The following MDGA2 variants were observed in gnomAD, a reference collection of about 807,000 sequenced individuals.
MDGA2 encodes the protein MAM domain-containing glycosylphosphatidylinositol anchor protein 2.
In MDGA2, 40 loss-of-function variants were observed where a neutral mutation model predicts 117.8. The observed-to-expected ratio is 0.34, with a 90% CI of 0.26 to 0.44. The LOEUF (loss-of-function observed/expected upper bound fraction) is 0.44, where lower values mean the gene tolerates loss of function less well. MDGA2 is among the 20% of genes least tolerant of loss of function. The pLI is 1.00. For missense variants in MDGA2, 1,123 were observed against 1,250.6 expected (o/e 0.90, Z 1.54); for synonymous variants, 452 against 439.0 (o/e 1.03, Z -0.37).
chr14:47,345,876 C>T (rs1890751955), intron 1 of MDGA2, among the ~76,000 whole-genome samples: 1 of 151,594 alleles, frequency 6.6e-6, no homozygotes, highest in African/African-American at 2.4e-5. Flanking sequence ...AGTTTTTTAG[C>T]TAAAAAAGTT....
chr14:47,324,836 C>CAGAGAGAGAG (rs918649667), intron 1 of MDGA2, among the ~76,000 whole-genome samples: 1 of 149,298 alleles, frequency 6.7e-6, no homozygotes, highest in Non-Finnish European at 1.5e-5. Context: ...ATTGTATACA[C>CAGAGAGAGAG]AGAGAGAGAG....
At chr14:47,602,141 G>A (rs959493867) in intron 1 of MDGA2, among the ~76,000 whole-genome samples, 3 of 152,114 alleles carry the variant, frequency 2.0e-5, no homozygotes, top group Non-Finnish European at 4.4e-5. Context: ...TTTTTTTAAA[G>A]TAAGTGACAC....
At chr14:47,360,764 C>A (rs555960700) in intron 1 of MDGA2, among the ~76,000 whole-genome samples, 1 of 152,118 alleles carries the variant, frequency 6.6e-6, no homozygotes, top group Non-Finnish European at 1.5e-5. Context: ...GTAGAGATAT[C>A]TGTGCTGCCA....
intron 9 of MDGA2, among the ~76,000 whole-genome samples, chr14:46,927,312 T>G (rs111928135): frequency 3.2e-4 from 49 of 152,292 alleles, no homozygotes; most frequent in African/African-American, 1.2e-3. Flanking sequence ...AAGTAAGTAA[T>G]ACAGGAATTA....
chr14:47,266,345 T>C (rs902910235), intron 2 of MDGA2, among the ~76,000 whole-genome samples: 2 of 152,144 alleles, frequency 1.3e-5, no homozygotes, highest in African/African-American at 4.8e-5. Context: ...CTAAATCCCA[T>C]AGGCTATACT....
At chr14:47,571,390 A>C (rs578096924) in intron 1 of MDGA2, among the ~76,000 whole-genome samples, 1 of 152,334 alleles carries the variant, frequency 6.6e-6, no homozygotes, top group African/African-American at 2.4e-5. Flanking sequence ...TTGACACAGC[A>C]ATCCCATTAC....
chr14:46,845,174 C>T (rs1343101039), intron 16 of MDGA2, among the ~76,000 whole-genome samples: 1 of 152,126 alleles, frequency 6.6e-6, no homozygotes, highest in African/African-American at 2.4e-5. Context: ...TGAGCCACCG[C>T]GCCCGGCCGA....
intron 3 of MDGA2, among the ~76,000 whole-genome samples, chr14:47,217,785 C>G (rs1169169040): frequency 1.3e-5 from 2 of 151,932 alleles, no homozygotes; most frequent in Non-Finnish European, 2.9e-5. Flanking sequence ...TTACTGTCTT[C>G]TTGTTAATAT....
intron 6 of MDGA2, among the ~76,000 whole-genome samples, chr14:47,080,351 C>T (rs1294942964): frequency 3.9e-5 from 6 of 152,174 alleles, no homozygotes; most frequent in African/African-American, 1.2e-4. Flanking sequence ...TCCATGGAGA[C>T]TTTGGAAAGG....
At position 47,665,456 on chromosome 14, in the gene MDGA2, G is replaced by A. The variant is rs142577581; in HGVS notation, c.280+9061C>T. ...CGCTTGAGGAGCCCTTCAGTCCGCC[G>A]CTGCACCGTGGGAGCCCTTCTCCGG... On this transcript the variant is annotated intron_variant, in intron 1 of 16. Transcript: ENST00000399232. Among the ~76,000 whole-genome samples the A allele has an allele frequency of 6.9e-3, 1,057 of 152,266 alleles. 7 individuals are homozygous for A. Among genetic ancestry groups the A allele is most frequent in the Middle Eastern group, 0.034 (10 of 294 alleles).
chr14:47,342,272 ATATATATAT>A (rs747877435), intron 1 of MDGA2, among the ~76,000 whole-genome samples: 10 of 142,500 alleles, frequency 7.0e-5, no homozygotes, highest in Non-Finnish European at 1.5e-4. Flanking sequence ...ATATATATAT[ATATATATAT>A]AAAATATGTT....
chr14:47,495,592 G>C (rs911738193), intron 1 of MDGA2, among the ~76,000 whole-genome samples: 1 of 152,078 alleles, frequency 6.6e-6, no homozygotes, highest in African/African-American at 2.4e-5. Flanking sequence ...TCATGGTTTT[G>C]AGCAGTTTTA....
At chr14:47,321,097 A>G (rs915415817) in intron 1 of MDGA2, among the ~76,000 whole-genome samples, 2 of 152,204 alleles carry the variant, frequency 1.3e-5, no homozygotes, top group African/African-American at 4.8e-5. Flanking sequence ...TTGAAGGTGA[A>G]TGAAGGCAGA....
chr14:47,152,756 C>T (rs1883210258), intron 3 of MDGA2, among the ~76,000 whole-genome samples: 1 of 151,706 alleles, frequency 6.6e-6, no homozygotes, highest in Non-Finnish European at 1.5e-5. Context: ...AAGCCAAATA[C>T]AGACAACTAT....
At chr14:47,316,881 GA>G (rs1389179277) in intron 1 of MDGA2, among the ~76,000 whole-genome samples, 1 of 152,050 alleles carries the variant, frequency 6.6e-6, no homozygotes, top group Non-Finnish European at 1.5e-5. Flanking sequence ...TTATGCAGAT[GA>G]AGCCTCTATT....
At chr14:47,611,200 A>G (rs1239140444) in intron 1 of MDGA2, among the ~76,000 whole-genome samples, 1 of 152,146 alleles carries the variant, frequency 6.6e-6, no homozygotes, top group Non-Finnish European at 1.5e-5. Flanking sequence ...CTTATATAAA[A>G]ATCACCTCAA....
At position 47,525,728 on chromosome 14, in the gene MDGA2, G is replaced by GTT. The variant is rs371652938; in HGVS notation, c.280+148787_280+148788dup. Among the ~76,000 whole-genome samples the GTT allele has an allele frequency of 1.4e-5, 2 of 147,170 alleles. 1 individual carries two copies. The highest frequency in any genetic ancestry group is 5.0e-5 in the African/African-American group (2 of 40,088). ...AAAAAAAAAGCTTAATTGATTTTAA[G>GTT]TTTTTTTTTTTTCTCTCTCTCTTTT... is the stretch of plus-strand genomic sequence containing the variant. On this transcript the variant is annotated intron_variant, in intron 1 of 16. Transcript: ENST00000399232.
At chr14:47,580,353 T>C (rs544525823) in intron 1 of MDGA2, among the ~76,000 whole-genome samples, 1 of 152,070 alleles carries the variant, frequency 6.6e-6, no homozygotes, top group Non-Finnish European at 1.5e-5. Flanking sequence ...TTTATAAAGC[T>C]GCTAATCCCA....
At chr14:46,859,654 C>T (rs1881425885) in intron 14 of MDGA2, among the ~76,000 whole-genome samples, 1 of 151,940 alleles carries the variant, frequency 6.6e-6, no homozygotes, top group African/African-American at 2.4e-5. Context: ...GTTTTTTGGT[C>T]TATTCTCTAA....
Sources: allele counts gnomAD v4.1 joint callset (sites outside exome capture counted in the v4.1 genomes callset), GRCh38; gene constraint gnomAD v4.1.1; transcripts MANE v1.5; gene names NCBI Gene and HGNC (gene_info 2026-07-23, HGNC 2026-07-21).